The following ZBBX variants were observed in gnomAD, a reference collection of about 807,000 sequenced individuals.
ZBBX encodes zinc finger B-box domain-containing protein 1.
Under a neutral mutation model 108.5 loss-of-function variants are expected in ZBBX, and 101 were observed. The ratio of observed to expected loss-of-function variants is 0.93; its 90% confidence interval spans 0.79 to 1.10. The LOEUF (loss-of-function observed/expected upper bound fraction) is 1.10. Among genes scored for constraint, ZBBX ranks in the 50% least tolerant of loss-of-function variants. ZBBX has a pLI of 0.00. For missense variants in ZBBX, 1,009 were observed against 941.4 expected (o/e 1.07, Z -0.94); for synonymous variants, 356 against 323.4 (o/e 1.10, Z -1.08).
intron 9 of ZBBX, 124 bp downstream of exon 9, chr3:167,350,296 T>C: frequency 1.5e-6 from 1 of 650,770 alleles, no homozygotes; most frequent in Non-Finnish European, 2.6e-6. Flanking sequence ...TGTCTGTATA[T>C]AATAGAATTT....
At chr3:167,197,342 T>A in the ZBBX span, among the ~76,000 whole-genome samples, 3 of 151,956 alleles carry the variant, frequency 2.0e-5, no homozygotes, top group African/African-American at 7.3e-5. Context: ...ATCGAGACCA[T>A]CCTGGCTAAC....
chr3:167,314,844 CAT>C (rs1205145547), intron 15 of ZBBX, among the ~76,000 whole-genome samples: 5 of 152,142 alleles, frequency 3.3e-5, no homozygotes, highest in Admixed American at 6.6e-5. Flanking sequence ...AAAGCAAAGA[CAT>C]GTGATAAGAT....
At chr3:167,350,581 G>T in intron 8 of ZBBX, 66 bp from the exon 9 acceptor site, 1 of 1,118,604 alleles carries the variant, frequency 8.9e-7, no homozygotes, top group Non-Finnish European at 1.3e-6. Context: ...GAAAGTGTTT[G>T]CATAAAGATG....
intron 9 of ZBBX, among the ~76,000 whole-genome samples, chr3:167,336,524 A>G (rs1269288310): frequency 6.6e-6 from 1 of 152,168 alleles, no homozygotes; most frequent in East Asian, 1.9e-4. Flanking sequence ...TATGATTCCC[A>G]TTACATAGAC....
intron 1 of ZBBX, among the ~76,000 whole-genome samples, chr3:167,395,488 T>TA: frequency 6.6e-6 from 1 of 151,972 alleles, no homozygotes; most frequent in Admixed American, 6.6e-5. Context: ...AGATCTGAAG[T>TA]GGAATCCTGG....
At chr3:167,186,980 C>T in the ZBBX span, among the ~76,000 whole-genome samples, 1 of 152,100 alleles carries the variant, frequency 6.6e-6, no homozygotes, top group Non-Finnish European at 1.5e-5. Flanking sequence ...GCATCACCTG[C>T]AATAGGAATA....
At chr3:167,363,215 G>T (rs745684888) in intron 6 of ZBBX, among the ~76,000 whole-genome samples, 3 of 151,798 alleles carry the variant, frequency 2.0e-5, no homozygotes, top group Non-Finnish European at 4.4e-5. Context: ...ACAAATCCAT[G>T]CTGATCAGCC....
chr3:167,388,788 C>CGCTA (rs980253430), intron 1 of ZBBX, among the ~76,000 whole-genome samples: 1 of 151,858 alleles, frequency 6.6e-6, no homozygotes, highest in African/African-American at 2.4e-5. Context: ...ATCAAGCTAG[C>CGCTA]GTTCAAGCCA....
At chr3:167,307,401 A>G (rs959534554) in intron 16 of ZBBX, among the ~76,000 whole-genome samples, 15 of 152,190 alleles carry the variant, frequency 9.9e-5, no homozygotes, top group Non-Finnish European at 1.5e-5. Context: ...AAGCTTCTTA[A>G]GCTGATAACT....
At chr3:167,276,079 C>T (rs112526873) in intron 20 of ZBBX, among the ~76,000 whole-genome samples, 1 of 150,674 alleles carries the variant, frequency 6.6e-6, no homozygotes, top group African/African-American at 2.4e-5. Flanking sequence ...CTGTCTGTTA[C>T]AAGGAAAACT....
At chr3:167,350,377 T>G (rs1431348479) in intron 9 of ZBBX, 43 bp downstream of exon 9, 1 of 1,467,280 alleles carries the variant, frequency 6.8e-7, no homozygotes, top group Non-Finnish European at 9.3e-7. Flanking sequence ...TGTGGAAACA[T>G]TTTATAAACA....
chr3:167,203,325 C>T, the ZBBX span, among the ~76,000 whole-genome samples: 1 of 152,068 alleles, frequency 6.6e-6, no homozygotes, highest in Non-Finnish European at 1.5e-5. Context: ...CTAACATGTG[C>T]ATTTTAATCT....
chr3:167,399,129 A>G (rs2108641926), intron 1 of ZBBX, among the ~76,000 whole-genome samples: 1 of 152,174 alleles, frequency 6.6e-6, no homozygotes, highest in South Asian at 2.1e-4. Flanking sequence ...TTAGTAAGAA[A>G]AAAAAAATTC....
chr3:167,393,252 C>T (rs1748133195), intron 1 of ZBBX, among the ~76,000 whole-genome samples: 1 of 151,782 alleles, frequency 6.6e-6, no homozygotes, highest in African/African-American at 2.4e-5. Flanking sequence ...TGCTCATCTT[C>T]AGAGAAACCC....
chr3:167,339,136 T>C (rs1035957533), intron 9 of ZBBX, among the ~76,000 whole-genome samples: 1 of 152,142 alleles, frequency 6.6e-6, no homozygotes, highest in Non-Finnish European at 1.5e-5. Context: ...TAAGGTTTTT[T>C]TCCCAACGTG....
chr3:167,321,759 A>C, intron 12 of ZBBX, among the ~76,000 whole-genome samples: 1 of 152,172 alleles, frequency 6.6e-6, no homozygotes, highest in Non-Finnish European at 1.5e-5. Flanking sequence ...TAGATTCTGA[A>C]AATTATAGTC....
intron 9 of ZBBX, among the ~76,000 whole-genome samples, chr3:167,348,407 G>A (rs902129127): frequency 2.5e-5 from 3 of 119,994 alleles, no homozygotes; most frequent in Admixed American, 9.0e-5. Context: ...GGAGGGAGAG[G>A]AGAGAGAGAA....
At chr3:167,190,830 G>C in the ZBBX span, among the ~76,000 whole-genome samples, 2 of 152,200 alleles carry the variant, frequency 1.3e-5, no homozygotes, top group East Asian at 1.9e-4. Context: ...ATGCCAGTGA[G>C]CTGAACAGAC....
chr3:167,282,121 A>G lies in ZBBX; in HGVS notation c.2254+117T>C, dbSNP rs972772771. On this transcript the variant is annotated intron_variant, in intron 20 of 21. Coordinates refer to ENST00000675490, the MANE Select transcript of ZBBX (RefSeq NM_001199201.2). ...CAGACACAACGGTTGATGGTTAAAG[A>G]AGAAAAAGGAAAGCTTTCTTGTTTG... The G allele has an allele frequency of 2.7e-6, 3 of 1,123,402 alleles. No homozygotes were observed. In the African/African-American group the frequency reaches 4.7e-5, roughly 18 times the overall value. 69.6% of individuals were successfully genotyped at this position (1,123,402 alleles called of 1,614,324 possible).
Sources: gnomAD v4.1 joint callset for allele counts (sites outside exome capture counted in the v4.1 genomes callset) on GRCh38, gnomAD v4.1.1 for gene constraint, MANE v1.5 for transcripts, NCBI Gene and HGNC (gene_info 2026-07-23, HGNC 2026-07-21) for gene names.